ZFAND4: variants seen among roughly 807,000 people sequenced by gnomAD.
ZFAND4 encodes the protein AN1-type zinc finger protein 4.
Under a neutral mutation model 64.4 loss-of-function variants are expected in ZFAND4, and 43 were observed. The observed-to-expected ratio is 0.67, with a 90% CI of 0.52 to 0.86. The LOEUF is 0.86. ZFAND4 is among the 40% of genes least tolerant of loss of function. The pLI is 0.00. For synonymous variants in ZFAND4, 296 were observed against 305.7 expected (o/e 0.97, Z 0.33); for missense variants, 929 against 859.8 (o/e 1.08, Z -1.01).
At chr10:45,637,731 C>A (rs1457416804) in intron 6 of ZFAND4, among the ~76,000 whole-genome samples, 1 of 152,034 alleles carries the variant, frequency 6.6e-6, no homozygotes, top group African/African-American at 2.4e-5. Context: ...GCCTGGGCAA[C>A]AGGGCGAGAC....
intron 8 of ZFAND4, among the ~76,000 whole-genome samples, chr10:45,622,902 T>C (rs917054897): frequency 5.3e-5 from 8 of 151,172 alleles, no homozygotes; most frequent in African/African-American, 2.0e-4. Context: ...TGGATACAGT[T>C]TGGTTTCGGG....
rs1246692027 is a variant in ZFAND4 at position 45,658,500 on chromosome 10, T to C, written c.184+5042A>G. Among the ~76,000 whole-genome samples, 4 of 152,232 alleles carry C rather than the reference T, an allele frequency of 2.6e-5. No homozygotes were observed. In the East Asian group the frequency reaches 5.8e-4, roughly 22 times the overall value. ...ACAGCCCTAGCAAACTAATACAATA[T>C]GTGAATTGTATGATATGTAAATTAT... On this transcript the variant is annotated intron_variant, in intron 2 of 9. Coordinates refer to ENST00000344646, the MANE Select transcript of ZFAND4 (RefSeq NM_174890.4).
intron 2 of ZFAND4, among the ~76,000 whole-genome samples, chr10:45,660,581 G>A (rs894663709): frequency 6.6e-6 from 1 of 150,902 alleles, no homozygotes; most frequent in African/African-American, 2.4e-5. Flanking sequence ...TACCAAACAC[G>A]ATAACTACCA....
At chr10:45,644,946 A>C (rs374834234) in intron 5 of ZFAND4, among the ~76,000 whole-genome samples, 2 of 152,098 alleles carry the variant, frequency 1.3e-5, no homozygotes, top group East Asian at 3.9e-4. Flanking sequence ...CTTATTGGAC[A>C]AATTTATAGT....
intron 1 of ZFAND4, among the ~76,000 whole-genome samples, chr10:45,671,901 G>A (rs1055426273): frequency 1.3e-4 from 19 of 151,804 alleles, no homozygotes; most frequent in Non-Finnish European, 1.8e-4. Flanking sequence ...CTCCAAGGAT[G>A]AAATGGAAGT....
chr10:45,640,367 T>A (rs751870088), intron 5 of ZFAND4: 30 of 1,272,438 alleles, frequency 2.4e-5, no homozygotes, highest in Admixed American at 1.2e-4. Context: ...AGAATTTTTT[T>A]AAATTTGGCA....
At position 45,632,795 on chromosome 10, in the gene ZFAND4, T is replaced by C. The variant is rs115499069; in HGVS notation, c.718-5690A>G. ...CCAAATATGAAGTCATATCAATAAA[T>C]ATAAACGTGATTAAGTTACCTGTTT... On this transcript the variant is annotated intron_variant, in intron 6 of 9. Transcript: ENST00000344646. Among the ~76,000 whole-genome samples the C allele has an allele frequency of 9.8e-3, 1,485 of 152,224 alleles. 29 individuals are homozygous for C. The highest frequency in any genetic ancestry group is 0.034 in the African/African-American group (1,415 of 41,538).
chr10:45,664,019 C>A (rs2048643598), intron 1 of ZFAND4, among the ~76,000 whole-genome samples, 177 bp from the exon 2 acceptor site: 1 of 152,136 alleles, frequency 6.6e-6, no homozygotes, highest in Non-Finnish European at 1.5e-5. Flanking sequence ...ACTCTCCCAT[C>A]TAGACCATAA....
chr10:45,617,708 C>A (rs1013053982), intron 9 of ZFAND4: 1 of 150,924 alleles, frequency 6.6e-6, no homozygotes, highest in African/African-American at 2.4e-5. Context: ...GGATATCAAT[C>A]AATACTAATG....
chr10:45,624,552 T>C (rs1589250689), intron 8 of ZFAND4, 31 bp downstream of exon 8: 2 of 1,604,112 alleles, frequency 1.2e-6, no homozygotes, highest in Non-Finnish European at 1.7e-6. Context: ...TTATCAGCCT[T>C]GTATTGTTTT....
intron 9 of ZFAND4, 39 bp downstream of exon 9, chr10:45,618,101 C>T (rs1006854073): frequency 1.3e-6 from 2 of 1,583,084 alleles, no homozygotes; most frequent in Non-Finnish European, 1.7e-6. Context: ...TGGGTTATCA[C>T]AGAGAAAGCA....
intron 9 of ZFAND4, among the ~76,000 whole-genome samples, chr10:45,616,924 C>T (rs1260974122): frequency 6.6e-6 from 1 of 151,874 alleles, no homozygotes. Context: ...ATTAAAAATA[C>T]AAAAATTAGC....
intron 1 of ZFAND4, among the ~76,000 whole-genome samples, chr10:45,665,428 C>G (rs1267018333): frequency 6.6e-6 from 1 of 152,060 alleles, no homozygotes; most frequent in Non-Finnish European, 1.5e-5. Context: ...GTAGTCCCAG[C>G]TACTCGGGAG....
At chr10:45,662,482 T>A (rs956543720) in intron 2 of ZFAND4, 2 of 509,648 alleles carry the variant, frequency 3.9e-6, no homozygotes, top group Non-Finnish European at 5.1e-6. Context: ...CAACGCAAGA[T>A]TTCACCTTCA....
intron 4 of ZFAND4, among the ~76,000 whole-genome samples, chr10:45,649,501 A>G (rs2047618770): frequency 6.6e-6 from 1 of 152,208 alleles, no homozygotes; most frequent in Admixed American, 6.5e-5. Context: ...GTGCTCTACA[A>G]CCCTTTAAAA....
At chr10:45,637,339 CA>C (rs376511722) in intron 6 of ZFAND4, among the ~76,000 whole-genome samples, 2,922 of 71,260 alleles carry the variant, frequency 0.041, 61 homozygotes, top group African/African-American at 0.14. Context: ...GACTCCGTCT[CA>C]AAAAAAAAAA....
intron 6 of ZFAND4, among the ~76,000 whole-genome samples, chr10:45,634,733 T>C (rs1184767291): frequency 6.6e-6 from 1 of 151,988 alleles, no homozygotes; most frequent in African/African-American, 2.4e-5. Context: ...TGATTGCAGA[T>C]AATATGATCT....
chr10:45,627,129 TC>T (rs2045891344), intron 6 of ZFAND4, 24 bp from the exon 7 acceptor site: 1 of 1,507,544 alleles, frequency 6.6e-7, no homozygotes, highest in South Asian at 1.4e-5. Flanking sequence ...ATATACAGTT[TC>T]TTTACACAGT....
intron 4 of ZFAND4, 103 bp downstream of exon 4, chr10:45,651,863 C>A: frequency 9.8e-7 from 1 of 1,017,354 alleles, no homozygotes; most frequent in Non-Finnish European, 1.5e-6. Context: ...TTTCTAAGAC[C>A]TAATAGCAGA....
Sources: allele counts gnomAD v4.1 joint callset (sites outside exome capture counted in the v4.1 genomes callset), GRCh38; gene constraint gnomAD v4.1.1; transcripts MANE v1.5; gene names NCBI Gene and HGNC (gene_info 2026-07-23, HGNC 2026-07-21).